The following PNISR variants were observed in gnomAD, a reference collection of about 807,000 sequenced individuals.
The protein encoded by PNISR is arginine/serine-rich protein PNISR.
In PNISR, 20 loss-of-function variants were observed where a neutral mutation model predicts 93.4. The ratio of observed to expected loss-of-function variants is 0.21; its 90% CI spans 0.15 to 0.31. The LOEUF is 0.31. Ranked by LOEUF, PNISR falls within the 10% of genes least tolerant of loss-of-function variation. PNISR has a pLI of 1.00. For synonymous variants in PNISR, 305 were observed against 306.5 expected, an observed-to-expected ratio of 0.99 and a Z score of 0.05; for missense variants, 893 against 985.4, an observed-to-expected ratio of 0.91 and a Z score of 1.25.
chr6:99,417,402 C>A (rs1453201574), intron 1 of PNISR, among the ~76,000 whole-genome samples: 2 of 152,182 alleles, frequency 1.3e-5, no homozygotes, highest in African/African-American at 2.4e-5. Context: ...GACTTCAGAG[C>A]ACAGGCTCTG....
At chr6:99,403,071 G>A (rs899690318) in intron 10 of PNISR, 1 of 157,228 alleles carries the variant, frequency 6.4e-6, no homozygotes, top group South Asian at 2.0e-4. Flanking sequence ...AACTTTTATT[G>A]TTCAAAGTTT....
At position 99,401,416 on chromosome 6, in the gene PNISR, A is replaced by C. The variant is rs887212722; in HGVS notation, c.1542T>G (p.Ser514Arg). The part of the protein sequence containing the change: ...KQGRSRSGSS[S>R]SGSSSSNSRT... ...TGCTATTGCTACTGGAACTACCACT[A>C]CTAGAACTTCCCGACCTACTCCTTC... is the stretch of plus-strand genomic sequence containing the variant. Residue 514 changes from serine (S) to arginine (R), a missense_variant, in exon 12 of 12, where the codon AGT becomes AGG. By Grantham distance (110) the Ser-to-Arg change is moderately radical. This residue lies in a region of PNISR where 866 missense variants were observed against 935.1 expected (regional missense o/e 0.93). Transcript: ENST00000369239. 4.4e-6 allele frequency: 7 copies of C among 1,606,796 alleles called. No individual in the cohort carries two copies. Among genetic ancestry groups the C allele is most frequent in the African/African-American group, 2.7e-5 (2 of 74,620 alleles).
At chr6:99,419,454 C>A (rs1778250900) in intron 1 of PNISR, among the ~76,000 whole-genome samples, 1 of 152,070 alleles carries the variant, frequency 6.6e-6, no homozygotes, top group South Asian at 2.1e-4. Flanking sequence ...GCATGTATTA[C>A]CGTACAAACT....
intron 9 of PNISR, 57 bp downstream of exon 9, chr6:99,404,546 T>C (rs1459718659): frequency 1.2e-6 from 1 of 864,926 alleles, no homozygotes; most frequent in Non-Finnish European, 2.0e-6. Flanking sequence ...AAGGCCAAAA[T>C]AGTCATCAGA....
rs1776395408 is a variant in PNISR, at chr6:99,408,177, C to T, written c.768G>A (p.Met256Ile). The change falls in exon 7 of 12, where the codon ATG becomes ATA. Residue 256 changes from methionine (M) to isoleucine (I), a missense_variant. By Grantham distance (10) the Met-to-Ile change is conservative. This residue lies in a region of PNISR where 866 missense variants were observed against 935.1 expected (regional missense o/e 0.93). Transcript: ENST00000369239. ...EKQKKLEKER[M>I]EQQRSQLSKK... ...TGGACAATTGTGAACGTTGTTGTTC[C>T]ATTCTTTCTTTCTCCAATTTCTTCT... 1.2e-6 allele frequency: 2 copies of T among 1,612,736 alleles called. No homozygotes were observed.
intron 8 of PNISR, among the ~76,000 whole-genome samples, chr6:99,405,231 G>A (rs934177558): frequency 2.0e-5 from 3 of 152,120 alleles, no homozygotes; most frequent in Non-Finnish European, 2.9e-5. Context: ...TTGGGAGGCC[G>A]AGGTGGGCGG....
chr6:99,417,723 T>C (rs1777889636), intron 1 of PNISR, among the ~76,000 whole-genome samples: 1 of 152,070 alleles, frequency 6.6e-6, no homozygotes, highest in Admixed American at 6.5e-5. Flanking sequence ...CCCAGCACTT[T>C]GGGAGGCCAA....
intron 1 of PNISR, among the ~76,000 whole-genome samples, chr6:99,420,177 C>T (rs1292317950): frequency 2.0e-5 from 3 of 152,168 alleles, no homozygotes; most frequent in African/African-American, 7.2e-5. Flanking sequence ...CTATCGCTCC[C>T]GGCCCATAAC....
chr6:99,425,200 T>G lies in PNISR; in HGVS notation c.-112+15A>C. The stretch of plus-strand genomic sequence containing the variant: ...TCCGGCAAGTGCCCACGTATAATTG[T>G]TCTCCATCACTTACCCACTCTAGTT... On this transcript the variant is annotated intron_variant, in intron 1 of 11. Coordinates refer to ENST00000369239, the MANE Select transcript of PNISR (RefSeq NM_032870.4). 1 of 1,230,226 alleles carries G rather than the reference T, an allele frequency of 8.1e-7. No individual in the cohort carries two copies. The highest frequency in any genetic ancestry group is 1.0e-6 in the Non-Finnish European group (1 of 986,226). The allele number at this position is 1,230,226 out of a possible 1,614,324, so 76.2% of individuals were successfully genotyped here. A position where few individuals can be genotyped will look rare whatever the true frequency, so the allele number is the denominator to read the frequency against.
chr6:99,414,919 C>CAA (rs1203221713), intron 2 of PNISR: 1 of 258,912 alleles, frequency 3.9e-6, no homozygotes, highest in East Asian at 7.1e-5. Flanking sequence ...GAATTTAGCT[C>CAA]AAAAAAGACT....
chr6:99,413,955 TTAAA>T (rs1562251559), intron 3 of PNISR, among the ~76,000 whole-genome samples: 1 of 152,194 alleles, frequency 6.6e-6, no homozygotes, highest in Non-Finnish European at 1.5e-5. Context: ...GTGAAAAACT[TTAAA>T]TAACAAAACA....
At chr6:99,423,892 T>C (rs1388453469) in intron 1 of PNISR, among the ~76,000 whole-genome samples, 1 of 152,210 alleles carries the variant, frequency 6.6e-6, no homozygotes, top group Non-Finnish European at 1.5e-5. Context: ...GATGGTTGTC[T>C]TCTCCCTATG....
intron 3 of PNISR, among the ~76,000 whole-genome samples, chr6:99,412,979 C>G (rs1390509387): frequency 8.6e-6 from 1 of 116,032 alleles, no homozygotes; most frequent in Non-Finnish European, 2.2e-5. Flanking sequence ...AAACTACTTA[C>G]ACTTTCAGGA....
At chr6:99,420,675 C>T (rs576116629) in intron 1 of PNISR, among the ~76,000 whole-genome samples, 105 of 152,186 alleles carry the variant, frequency 6.9e-4, no homozygotes, top group Non-Finnish European at 1.1e-3. Context: ...AATAACATAA[C>T]GTTGTACCAT....
rs551328690 is a variant in PNISR, at chr6:99,409,496, C to T, written c.502-152G>A. 7 of 621,636 alleles carry T rather than the reference C, an allele frequency of 1.1e-5. No homozygotes were observed. The South Asian group carries it at 1.8e-4, about 16-fold the overall frequency. 38.5% of individuals were successfully genotyped at this position (621,636 alleles called of 1,614,324 possible). A position where few individuals can be genotyped will look rare whatever the true frequency, so the allele number is the denominator to read the frequency against. On this transcript the variant is annotated intron_variant, in intron 5 of 11. Coordinates refer to ENST00000369239, the MANE Select transcript of PNISR (RefSeq NM_032870.4). ...AATATCCACCGATACTTCTATGGTC[C>T]CAAGAACCTAGGCTTACTTGTCTTA...
intron 4 of PNISR, chr6:99,412,319 C>G: frequency 3.1e-6 from 2 of 642,494 alleles, no homozygotes; most frequent in African/African-American, 1.8e-5. Context: ...CCCTGTCAGC[C>G]TAGGAATGAA....
At chr6:99,412,188 T>C in intron 4 of PNISR, 1 of 459,138 alleles carries the variant, frequency 2.2e-6, no homozygotes, top group Non-Finnish European at 4.3e-6. Context: ...TTTCTTTAAT[T>C]AGAGGCTAGA....
intron 1 of PNISR, among the ~76,000 whole-genome samples, chr6:99,420,235 T>C (rs969719212): frequency 3.9e-5 from 6 of 152,192 alleles, no homozygotes; most frequent in South Asian, 2.1e-4. Context: ...TTTTCATGCA[T>C]TGGGCAAATG....
At chr6:99,417,026 T>G (rs937233395) in intron 1 of PNISR, among the ~76,000 whole-genome samples, 1 of 152,228 alleles carries the variant, frequency 6.6e-6, no homozygotes, top group Non-Finnish European at 1.5e-5. Flanking sequence ...GTTTAAAGGC[T>G]AATGATGAGG....
Sources: gnomAD v4.1 joint callset for allele counts (sites outside exome capture counted in the v4.1 genomes callset) on GRCh38, gnomAD v4.1.1 for gene constraint, gnomAD v4.1.1 regional missense constraint, MANE v1.5 for transcripts, NCBI Gene and HGNC (gene_info 2026-07-23, HGNC 2026-07-21) for gene names.